SSBP3: variants seen among roughly 807,000 people sequenced by gnomAD.
The protein encoded by SSBP3 is single-stranded DNA-binding protein 3.
In SSBP3, 5 loss-of-function variants were observed where a neutral mutation model predicts 69.6. The observed-to-expected ratio is 0.07, with a 90% CI of 0.04 to 0.15. The LOEUF (loss-of-function observed/expected upper bound fraction) is 0.15, where lower values mean the gene tolerates loss of function less well. Among genes scored for constraint, SSBP3 ranks in the 10% least tolerant of loss-of-function variants. SSBP3 has a pLI of 1.00. For synonymous variants in SSBP3, 196 were observed against 193.4 expected (o/e 1.01, Z -0.11); for missense variants, 312 against 534.0 (o/e 0.58, Z 4.10).
At chr1:54,319,614 T>G (rs530333246) in intron 4 of SSBP3, among the ~76,000 whole-genome samples, 32 of 152,232 alleles carry the variant, frequency 2.1e-4, no homozygotes, top group Admixed American at 5.9e-4. Flanking sequence ...GCCAACTTTC[T>G]GTGCTCCTGC....
intron 10 of SSBP3, 115 bp from the exon 11 acceptor site, chr1:54,242,327 A>T: frequency 8.0e-7 from 1 of 1,254,546 alleles, no homozygotes; most frequent in Non-Finnish European, 1.1e-6. Context: ...TCCTTCCTAC[A>T]GCCCTGCGGT....
chr1:54,391,890 C>T (rs926563301), intron 4 of SSBP3, among the ~76,000 whole-genome samples: 15 of 152,260 alleles, frequency 9.9e-5, no homozygotes, highest in African/African-American at 3.4e-4. Context: ...CACCCACCCA[C>T]CTCAATCACA....
intron 14 of SSBP3, among the ~76,000 whole-genome samples, chr1:54,235,816 G>A (rs1006112626): frequency 6.6e-6 from 1 of 152,170 alleles, no homozygotes; most frequent in Non-Finnish European, 1.5e-5. Context: ...TATAAAAAAT[G>A]ATTTTAAAGC....
chr1:54,347,346 CTGTTTTTT>C lies in SSBP3; in HGVS notation c.276+54507_276+54514del, dbSNP rs1393651805. 3.3e-5 allele frequency among the ~76,000 whole-genome samples: 5 copies of C among 149,778 alleles called. No homozygotes were observed. The South Asian group carries it at 6.4e-4, about 19-fold the overall frequency. ...AAATACTAGGTAAATAGTTGTTAGG[CTGTTTTTT>C]AATTTGTCCCCTTTTTAAAAAAAAA... On this transcript the variant is annotated intron_variant, in intron 4 of 17. Coordinates refer to ENST00000610401, the Ensembl canonical transcript of SSBP3.
At chr1:54,382,058 G>A (rs781602329) in intron 4 of SSBP3, among the ~76,000 whole-genome samples, 11 of 152,192 alleles carry the variant, frequency 7.2e-5, no homozygotes, top group Non-Finnish European at 1.3e-4. Flanking sequence ...GCTGAGCATG[G>A]TGGCAGGCAC....
chr1:54,251,977 T>C, intron 7 of SSBP3, 117 bp from the exon 8 acceptor site: 1 of 830,038 alleles, frequency 1.2e-6, no homozygotes, highest in Non-Finnish European at 2.0e-6. Flanking sequence ...ACTCATGGCC[T>C]CCCTGAGACT....
chr1:54,377,100 T>C (rs574450210), intron 4 of SSBP3, among the ~76,000 whole-genome samples: 2 of 152,342 alleles, frequency 1.3e-5, no homozygotes, highest in South Asian at 4.1e-4. Flanking sequence ...ACTCCGGAAA[T>C]GCCAGAGGGC....
At chr1:54,405,533 C>T (rs1357914456) in intron 1 of SSBP3, 1 of 153,378 alleles carries the variant, frequency 6.5e-6, no homozygotes, top group Non-Finnish European at 1.5e-5. Flanking sequence ...CGCGGGCGGA[C>T]AAAAGGAGGC....
intron 4 of SSBP3, among the ~76,000 whole-genome samples, chr1:54,303,947 G>A (rs1401639822): frequency 6.6e-6 from 1 of 152,176 alleles, no homozygotes; most frequent in Non-Finnish European, 1.5e-5. Flanking sequence ...AAGGCCCTCA[G>A]TACATTTCTA....
chr1:54,404,324 G>A (rs1052183503), intron 3 of SSBP3, among the ~76,000 whole-genome samples: 9 of 152,178 alleles, frequency 5.9e-5, no homozygotes, highest in Admixed American at 3.9e-4. Context: ...AGAGTGAAAT[G>A]TAAAAGTAAG....
At chr1:54,404,466 G>T in intron 3 of SSBP3, 110 bp downstream of exon 3, 2 of 1,344,078 alleles carry the variant, frequency 1.5e-6, no homozygotes, top group Non-Finnish European at 2.1e-6. Flanking sequence ...TCTGTGCAAC[G>T]CAGAGGGCCA....
chr1:54,336,866 T>C (rs1438299218), intron 4 of SSBP3, among the ~76,000 whole-genome samples: 1 of 152,216 alleles, frequency 6.6e-6, no homozygotes, highest in Middle Eastern at 3.4e-3. Context: ...CCACCCTGAA[T>C]AGCCAGCTCC....
At chr1:54,242,421 CAAAGTAT>C (rs1384983982) in intron 10 of SSBP3, among the ~76,000 whole-genome samples, 2 of 152,152 alleles carry the variant, frequency 1.3e-5, no homozygotes, top group Non-Finnish European at 2.9e-5. Flanking sequence ...GTAAACTTTA[CAAAGTAT>C]ATAAAATTAG....
chr1:54,310,949 A>G (rs1296834331), intron 4 of SSBP3, among the ~76,000 whole-genome samples: 1 of 152,206 alleles, frequency 6.6e-6, no homozygotes, highest in Non-Finnish European at 1.5e-5. Context: ...GGGGGCTGAC[A>G]TCACCTGGAA....
chr1:54,248,450 T>G (rs981362094), intron 9 of SSBP3, among the ~76,000 whole-genome samples: 2 of 152,198 alleles, frequency 1.3e-5, no homozygotes, highest in African/African-American at 2.4e-5. Flanking sequence ...GTTTTGCAGA[T>G]GACAGACTGG....
At chr1:54,239,967 T>TG (rs1472883538) in intron 13 of SSBP3, among the ~76,000 whole-genome samples, 4 of 151,804 alleles carry the variant, frequency 2.6e-5, no homozygotes, top group East Asian at 1.9e-4. Context: ...ATTTTTGGGG[T>TG]GGGTAAGGAT....
At chr1:54,411,108 G>GT (rs1210095993), upstream of SSBP3, among the ~76,000 whole-genome samples, 1 of 152,250 alleles carries the variant, frequency 6.6e-6, no homozygotes, top group East Asian at 1.9e-4. Flanking sequence ...TATAGAATCG[G>GT]TTAGTTCAAT....
At chr1:54,333,221 A>G (rs1646451713) in intron 4 of SSBP3, among the ~76,000 whole-genome samples, 1 of 152,128 alleles carries the variant, frequency 6.6e-6, no homozygotes, top group Admixed American at 6.5e-5. Context: ...CAGAATACGG[A>G]AAGGATTTTC....
Position 54,381,121 on chromosome 1 carries a change from A to G in SSBP3, c.276+20740T>C, listed in dbSNP as rs796160198. Among the ~76,000 whole-genome samples, 20 of 152,202 alleles carry G rather than the reference A, an allele frequency of 1.3e-4. 1 individual carries two copies. Among genetic ancestry groups the G allele is most frequent in the African/African-American group, 4.8e-4 (20 of 41,532 alleles). On this transcript the variant is annotated intron_variant, in intron 4 of 17. Transcript: ENST00000610401. ...AGAGAGAGGCTGGAAGTGGTGACTC[A>G]CGCCTGTAATCCCAGCACTCTGGGA...
Sources: allele counts gnomAD v4.1 joint callset (sites outside exome capture counted in the v4.1 genomes callset), GRCh38; gene constraint gnomAD v4.1.1; transcripts MANE v1.5; gene names NCBI Gene and HGNC (gene_info 2026-07-23, HGNC 2026-07-21).